The following CLSTN2 variants were observed in gnomAD, a reference collection of about 807,000 sequenced individuals.
CLSTN2 encodes calsyntenin 2.
A neutral mutation model predicts 101.2 loss-of-function variants in CLSTN2; 48 were observed. The observed-to-expected ratio is 0.47, with a 90% CI of 0.38 to 0.60. The LOEUF (loss-of-function observed/expected upper bound fraction) is 0.60, where lower values mean the gene tolerates loss of function less well. Among genes scored for constraint, CLSTN2 ranks in the 20% least tolerant of loss-of-function variants. CLSTN2 has a pLI of 0.00. For synonymous variants in CLSTN2, 481 were observed against 463.6 expected (o/e 1.04, Z -0.48); for missense variants, 1,160 against 1,238.2 (o/e 0.94, Z 0.95).
intron 2 of CLSTN2, among the ~76,000 whole-genome samples, chr3:140,390,836 A>G (rs1307677556): frequency 6.6e-6 from 1 of 152,162 alleles, no homozygotes; most frequent in African/African-American, 2.4e-5. Flanking sequence ...AAAAGGTCCT[A>G]TTTCTTGGCT....
chr3:140,392,514 A>C (rs564420067), intron 2 of CLSTN2, among the ~76,000 whole-genome samples: 1 of 152,270 alleles, frequency 6.6e-6, no homozygotes, highest in South Asian at 2.1e-4. Context: ...CAGTAACTAA[A>C]TTGAGTGTGT....
At chr3:139,944,626 T>G (rs1935187349) in intron 1 of CLSTN2, among the ~76,000 whole-genome samples, 1 of 152,226 alleles carries the variant, frequency 6.6e-6, no homozygotes, top group African/African-American at 2.4e-5. Flanking sequence ...CACCTCTGTA[T>G]GACTGTTGCC....
At chr3:140,536,224 A>G (rs1198239561) in intron 9 of CLSTN2, among the ~76,000 whole-genome samples, 1 of 151,926 alleles carries the variant, frequency 6.6e-6, no homozygotes, top group East Asian at 1.9e-4. Context: ...TTTTTAATCT[A>G]TGAAATAAGA....
intron 2 of CLSTN2, among the ~76,000 whole-genome samples, chr3:140,369,077 G>A (rs2087823769): frequency 6.6e-6 from 1 of 152,124 alleles, no homozygotes; most frequent in Non-Finnish European, 1.5e-5. Context: ...AGACTTGCCA[G>A]CTTTTTCTGG....
At chr3:140,218,741 G>C (rs191517560) in intron 2 of CLSTN2, among the ~76,000 whole-genome samples, 1 of 152,128 alleles carries the variant, frequency 6.6e-6, no homozygotes, top group Admixed American at 6.5e-5. Context: ...AATAACTAAA[G>C]CCCCATGAAA....
At chr3:139,980,820 C>A (rs116734225) in intron 1 of CLSTN2, among the ~76,000 whole-genome samples, 1 of 152,174 alleles carries the variant, frequency 6.6e-6, no homozygotes, top group African/African-American at 2.4e-5. Context: ...CACTTCCAGG[C>A]ACTACAGGAT....
intron 1 of CLSTN2, among the ~76,000 whole-genome samples, chr3:140,080,431 T>A (rs867472995): frequency 3.9e-5 from 6 of 152,226 alleles, no homozygotes; most frequent in African/African-American, 1.4e-4. Flanking sequence ...GAAGACAGCA[T>A]CTAGGTGTCC....
At chr3:139,943,145 A>G (rs1199290507) in intron 1 of CLSTN2, among the ~76,000 whole-genome samples, 4 of 152,078 alleles carry the variant, frequency 2.6e-5, no homozygotes, top group Non-Finnish European at 5.9e-5. Context: ...TGAAAGGTAC[A>G]TCATCCATAC....
chr3:140,500,260 G>A (rs376965138), intron 8 of CLSTN2, among the ~76,000 whole-genome samples: 3 of 152,092 alleles, frequency 2.0e-5, no homozygotes, highest in Admixed American at 6.5e-5. Context: ...TTGACTGTCA[G>A]AGGCTGGTCC....
intron 2 of CLSTN2, among the ~76,000 whole-genome samples, chr3:140,348,084 C>T (rs1210247884): frequency 6.6e-6 from 1 of 152,158 alleles, no homozygotes; most frequent in African/African-American, 2.4e-5. Context: ...GCTCTACCTC[C>T]TAGACATACA....
chr3:140,171,245 T>A (rs1484435667), intron 1 of CLSTN2, among the ~76,000 whole-genome samples: 1 of 152,182 alleles, frequency 6.6e-6, no homozygotes, highest in Non-Finnish European at 1.5e-5. Flanking sequence ...AAAATGGATG[T>A]ACCTACTGTC....
chr3:139,941,402 GC>G (rs1350986641), intron 1 of CLSTN2, among the ~76,000 whole-genome samples: 3 of 152,158 alleles, frequency 2.0e-5, no homozygotes, highest in African/African-American at 7.2e-5. Flanking sequence ...AGCCTTTTCA[GC>G]CAATTACTAT....
At chr3:140,010,694 T>C (rs917354273) in intron 1 of CLSTN2, among the ~76,000 whole-genome samples, 3 of 152,284 alleles carry the variant, frequency 2.0e-5, no homozygotes, top group Admixed American at 6.5e-5. Context: ...CTAAATTGAT[T>C]ACTCCCACCA....
At chr3:140,000,956 G>A (rs183612940) in intron 1 of CLSTN2, among the ~76,000 whole-genome samples, 14 of 152,262 alleles carry the variant, frequency 9.2e-5, no homozygotes, top group South Asian at 6.2e-4. Flanking sequence ...TCTGAGGCTC[G>A]TAAAATGAAG....
intron 1 of CLSTN2, among the ~76,000 whole-genome samples, chr3:139,953,993 G>A (rs1256619446): frequency 6.7e-6 from 1 of 150,294 alleles, no homozygotes; most frequent in African/African-American, 2.5e-5. Context: ...TTTATTTTGG[G>A]TTCAGGGGGA....
rs192269873 is a variant in CLSTN2, at chr3:140,159,642, G to A, written c.110-16309G>A. 6.6e-5 allele frequency among the ~76,000 whole-genome samples: 10 copies of A among 152,138 alleles called. No individual in the cohort carries two copies. In the South Asian group the frequency reaches 1.0e-3, roughly 16 times the overall value. ...AGAATTTAAAACAGAGGTACCATTC[G>A]ACCCAGCAATCACACTCCTGGGTAT... On this transcript the variant is annotated intron_variant, in intron 1 of 16. Transcript: ENST00000458420.
intron 1 of CLSTN2, among the ~76,000 whole-genome samples, chr3:139,956,789 C>A (rs1288342918): frequency 5.3e-5 from 8 of 152,096 alleles, no homozygotes. Context: ...GCAAAAATAT[C>A]TTAATTAAAA....
intron 9 of CLSTN2, among the ~76,000 whole-genome samples, chr3:140,538,776 G>T (rs984135652): frequency 1.3e-5 from 2 of 152,180 alleles, no homozygotes; most frequent in East Asian, 3.9e-4. Flanking sequence ...TTACATTCAG[G>T]TCATGTTTTC....
At chr3:140,439,756 C>T (rs1043767182) in intron 5 of CLSTN2, among the ~76,000 whole-genome samples, 1 of 22,242 alleles carries the variant, frequency 4.5e-5, no homozygotes, top group Non-Finnish European at 1.5e-4. Flanking sequence ...CACACACGCA[C>T]ACACACACAC....
Sources: allele counts gnomAD v4.1 joint callset (sites outside exome capture counted in the v4.1 genomes callset), GRCh38; gene constraint gnomAD v4.1.1; transcripts MANE v1.5; gene names NCBI Gene and HGNC (gene_info 2026-07-23, HGNC 2026-07-21).